Variants in PKD2L1 observed in about 807,000 individuals in gnomAD.
PKD2L1 encodes the protein polycystin 2 like 1, transient receptor potential cation channel, also known as polycystin-2-like protein 1.
PKD2L1 carries 77 observed loss-of-function variants against 93.0 expected under a neutral mutation model. The ratio of observed to expected loss-of-function variants is 0.83; its 90% confidence interval spans 0.69 to 1.00. The LOEUF (loss-of-function observed/expected upper bound fraction) is 1.00, where lower values mean the gene tolerates loss of function less well. Ranked by LOEUF, PKD2L1 falls within the 50% of genes least tolerant of loss-of-function variation. The probability of loss-of-function intolerance (pLI) is 0.00; values close to 1 mark genes in which losing one functional copy is unlikely to be tolerated. For missense variants in PKD2L1, 977 were observed against 990.9 expected, an observed-to-expected ratio of 0.99 and a Z score of 0.19; for synonymous variants, 390 against 388.0, an observed-to-expected ratio of 1.01 and a Z score of -0.06.
intron 12 of PKD2L1, 28 bp from the exon 13 acceptor site, chr10:100,290,547 G>A (rs372658187): frequency 1.4e-5 from 20 of 1,457,322 alleles, no homozygotes; most frequent in Non-Finnish European, 1.7e-5. Context: ...GGTTAGAGGG[G>A]AGGAGATAAC....
intron 7 of PKD2L1, among the ~76,000 whole-genome samples, chr10:100,295,754 A>G (rs1296155324): frequency 2.2e-5 from 3 of 133,766 alleles, no homozygotes; most frequent in African/African-American, 8.6e-5. Context: ...AAAAAAAAAA[A>G]GTCAGGGGCG....
chr10:100,306,855 C>CAAAAAAAA lies in PKD2L1; in HGVS notation c.350-7145_350-7138dup, dbSNP rs61413476. Reference sequence around the variant, plus strand: ...CCTGGGCGAGAGAGTGAGACCCTGTCAAAAAAAAAAAAAAAAAAGAAAGAG... The same window carrying CAAAAAAAA: ...CCTGGGCGAGAGAGTGAGACCCTGTCAAAAAAAAAAAAAAAAAAAAAAAAAAGAAAGAG... On this transcript the variant is annotated intron_variant, in intron 2 of 15. Transcript: ENST00000318222. Among the ~76,000 whole-genome samples, 49 of 49,862 alleles carry CAAAAAAAA rather than the reference C, an allele frequency of 9.8e-4. 6 individuals carry two copies. The highest frequency in any genetic ancestry group is 4.8e-3 in the African/African-American group (42 of 8,698). 32.7% of individuals were successfully genotyped at this position (49,862 alleles called of 152,430 possible). A position where few individuals can be genotyped will look rare whatever the true frequency, so the allele number is the denominator to read the frequency against.
Position 100,329,934 on chromosome 10 carries a change from G to T in PKD2L1, c.170C>A (p.Pro57His). 1 of 1,614,040 alleles carries T rather than the reference G, an allele frequency of 6.2e-7. No homozygotes were observed. Among genetic ancestry groups the T allele is most frequent in the East Asian group, 2.2e-5 (1 of 44,874 alleles). The change falls in exon 1 of 16, where the codon CCC (proline) becomes CAC (histidine). Residue 57 changes from proline (P) to histidine (H), a missense_variant. By Grantham distance (77) the Pro-to-His change is moderately conservative. Coordinates refer to ENST00000318222, the MANE Select transcript of PKD2L1 (RefSeq NM_016112.3). Reference sequence around the variant, plus strand: ...CTGGGTCCTGTATGCCGTCTCCTGGGGTTCATCTTCAGGCTTCTTGGGTTG... The same window carrying T: ...CTGGGTCCTGTATGCCGTCTCCTGGTGTTCATCTTCAGGCTTCTTGGGTTG... Reference protein sequence around the residue: ...QPQPKKPEDEPQETAYRTQVS... With the variant: ...QPQPKKPEDEHQETAYRTQVS...
intron 2 of PKD2L1, 26 bp downstream of exon 2, chr10:100,329,185 T>G: frequency 6.2e-7 from 1 of 1,610,788 alleles, no homozygotes. Context: ...CACAGACAGA[T>G]GTACACAAAC....
Position 100,291,326 on chromosome 10 carries a change from A to T in PKD2L1, c.1982T>A (p.Met661Lys), listed in dbSNP as rs1038977179. ...RILDEKEQEK[M>K]RQDLEEERVA... ...CCTCTCTTCCTCCAGGTCCTGTCGC[A>T]TTTTTTCCTGTTCCTTCTCATCCAG... The change falls in exon 12 of 16, where the codon ATG becomes AAG. Residue 661 changes from methionine to lysine, a missense_variant. By Grantham distance (95) the Met-to-Lys change is moderately conservative. Transcript: ENST00000318222. 4 of 1,613,532 alleles carry T rather than the reference A, an allele frequency of 2.5e-6. No individual in the cohort carries two copies. Among genetic ancestry groups the T allele is most frequent in the Non-Finnish European group, 3.4e-6 (4 of 1,179,826 alleles).
At chr10:100,293,850 G>A (rs1848461216) in intron 9 of PKD2L1, among the ~76,000 whole-genome samples, 1 of 152,198 alleles carries the variant, frequency 6.6e-6, no homozygotes, top group Admixed American at 6.5e-5. Context: ...GCCTACACCT[G>A]TAATCCAGCA....
chr10:100,321,690 A>G (rs1327219182), intron 2 of PKD2L1, among the ~76,000 whole-genome samples: 1 of 1,820 alleles, frequency 5.5e-4, no homozygotes, highest in Non-Finnish European at 1.4e-3. Flanking sequence ...AAAGAAAGAA[A>G]GAAAGAAAGA....
intron 2 of PKD2L1, among the ~76,000 whole-genome samples, chr10:100,303,006 G>A (rs752252442): frequency 5.3e-5 from 8 of 152,150 alleles, no homozygotes; most frequent in South Asian, 2.1e-4. Context: ...TTGTGTGTGC[G>A]TGTGTGTTTG....
intron 3 of PKD2L1, among the ~76,000 whole-genome samples, chr10:100,299,386 T>C (rs1848626344): frequency 6.6e-6 from 1 of 152,216 alleles, no homozygotes; most frequent in Admixed American, 6.5e-5. Flanking sequence ...ATCTAACTCC[T>C]GGTTTAATTC....
In PKD2L1 at chr10:100,315,121, G is replaced by C. The variant is rs548805084; in HGVS notation, c.349+14090C>G. On this transcript the variant is annotated intron_variant, in intron 2 of 15. Transcript: ENST00000318222. ...GAAGGGAAGGGAAGGGAAGGGAAGAGAAAACAGTTGAAATGATTATATACC... is the reference window on the plus strand; with the variant it reads ...GAAGGGAAGGGAAGGGAAGGGAAGACAAAACAGTTGAAATGATTATATACC... Among the ~76,000 whole-genome samples the C allele has an allele frequency of 1.7e-3, 130 of 76,220 alleles. 28 individuals are homozygous for C. Among genetic ancestry groups the C allele is most frequent in the African/African-American group, 6.6e-3 (127 of 19,134 alleles). The allele number at this position is 76,220 out of a possible 152,430, so 50.0% of individuals were successfully genotyped here.
At chr10:100,310,740 C>T (rs1848914913) in intron 2 of PKD2L1, among the ~76,000 whole-genome samples, 1 of 152,124 alleles carries the variant, frequency 6.6e-6, no homozygotes, top group South Asian at 2.1e-4. Flanking sequence ...GAGACAGTCT[C>T]ACTCTGTCGC....
intron 2 of PKD2L1, among the ~76,000 whole-genome samples, chr10:100,324,947 C>T (rs1288026055): frequency 6.6e-6 from 1 of 152,236 alleles, no homozygotes; most frequent in Non-Finnish European, 1.5e-5. Context: ...GATAGAGCAA[C>T]ACAACAGCCA....
intron 1 of PKD2L1, 30 bp downstream of exon 1, chr10:100,329,839 T>A: frequency 7.0e-7 from 1 of 1,425,200 alleles, no homozygotes; most frequent in Non-Finnish European, 9.8e-7. Flanking sequence ...GATTCTAATA[T>A]CCCAGGAGAA....
chr10:100,290,391 C>G lies in PKD2L1; in HGVS notation c.2126+10G>C. ...CCAGCCCTGAACCAGCCTTTCTTGG[C>G]TGCACGTACATGTAGAATTCTTCTC... On this transcript the variant is annotated intron_variant, in intron 13 of 15. Transcript: ENST00000318222. The G allele has an allele frequency of 6.4e-7, 1 of 1,573,092 alleles. No homozygotes were observed. Among genetic ancestry groups the G allele is most frequent in the Non-Finnish European group, 8.7e-7 (1 of 1,144,380 alleles).
At chr10:100,318,563 G>A (rs961362731) in intron 2 of PKD2L1, among the ~76,000 whole-genome samples, 2 of 150,026 alleles carry the variant, frequency 1.3e-5, no homozygotes, top group African/African-American at 4.9e-5. Context: ...CTGTCACCCA[G>A]GTTGGAGTGC....
chr10:100,316,911 A>G (rs767704385), intron 2 of PKD2L1, among the ~76,000 whole-genome samples: 4 of 151,888 alleles, frequency 2.6e-5, no homozygotes, highest in Non-Finnish European at 5.9e-5. Flanking sequence ...ACATGGTAAA[A>G]CCCCATCTCT....
chr10:100,329,334 ATGGGAGAGATGCC>A lies in PKD2L1; in HGVS notation c.236-23_236-11del, dbSNP rs1239757221. ...GTTGTTCCCCAAAGTCCTAAGGGGC[ATGGGAGAGATGCC>A]TGGGATGCTCAGTGGCAGTGTTCCT... On this transcript the variant is annotated splice_polypyrimidine_tract_variant and intron_variant, in intron 1 of 15. Coordinates refer to ENST00000318222, the MANE Select transcript of PKD2L1 (RefSeq NM_016112.3). The A allele has an allele frequency of 1.9e-6, 3 of 1,614,030 alleles. No homozygotes were observed. The highest frequency in any genetic ancestry group is 2.5e-6 in the Non-Finnish European group (3 of 1,180,018).
At chr10:100,316,470 C>T (rs1849104108) in intron 2 of PKD2L1, among the ~76,000 whole-genome samples, 1 of 152,244 alleles carries the variant, frequency 6.6e-6, no homozygotes, top group East Asian at 1.9e-4. Flanking sequence ...CTTGCCCAGC[C>T]TTGTCTCAGG....
chr10:100,328,657 C>T (rs544846575), intron 2 of PKD2L1, among the ~76,000 whole-genome samples: 42 of 151,534 alleles, frequency 2.8e-4, no homozygotes, highest in African/African-American at 9.7e-4. Context: ...TGTAGTGGCA[C>T]GATCTTGGCT....
Sources: gnomAD v4.1 joint callset for allele counts (sites outside exome capture counted in the v4.1 genomes callset) on GRCh38, gnomAD v4.1.1 for gene constraint, MANE v1.5 for transcripts, NCBI Gene and HGNC (gene_info 2026-07-23, HGNC 2026-07-21) for gene names.